DSCAML1: variants seen among roughly 807,000 people sequenced by gnomAD.
The protein encoded by DSCAML1 is cell adhesion molecule DSCAML1.
Under a neutral mutation model 200.5 loss-of-function variants are expected in DSCAML1, and 38 were observed. The observed-to-expected ratio is 0.19, with a 90% confidence interval of 0.15 to 0.25. DSCAML1 has a LOEUF of 0.25. DSCAML1 is among the 10% of genes least tolerant of loss of function. The probability of loss-of-function intolerance (pLI) is 1.00; values close to 1 mark genes in which losing one functional copy is unlikely to be tolerated. For missense variants in DSCAML1, 2,223 were observed against 2,858.8 expected, an observed-to-expected ratio of 0.78 and a Z score of 5.07; for synonymous variants, 1,215 against 1,165.0, an observed-to-expected ratio of 1.04 and a Z score of -0.87.
rs534512931 is a variant in DSCAML1 at position 117,702,900 on chromosome 11, T to C, written c.511+73891A>G. On this transcript the variant is annotated intron_variant, in intron 3 of 32. Transcript: ENST00000651296. Reference sequence around the variant, plus strand: ...AAGAAGCTGATAGTTAAAGGATTCTTGTGGCTGAATCCTATTGTAAAATAG... The same window carrying C: ...AAGAAGCTGATAGTTAAAGGATTCTCGTGGCTGAATCCTATTGTAAAATAG... 3.4e-4 allele frequency among the ~76,000 whole-genome samples: 52 copies of C among 152,340 alleles called. 1 individual carries two copies. Among genetic ancestry groups the C allele is most frequent in the African/African-American group, 1.2e-3 (50 of 41,582 alleles).
rs1237061556 is a variant in DSCAML1, at chr11:117,780,294, A to AAGAC, written c.364+198_364+199insGTCT. Among the ~76,000 whole-genome samples, 125 of 106,722 alleles carry AAGAC rather than the reference A, an allele frequency of 1.2e-3. 1 individual carries two copies. Among genetic ancestry groups the AAGAC allele is most frequent in the African/African-American group, 3.6e-3 (116 of 32,230 alleles). 70.0% of individuals were successfully genotyped at this position (106,722 alleles called of 152,430 possible). On this transcript the variant is annotated intron_variant, in intron 2 of 32. Transcript: ENST00000651296. The surrounding 1 kb of genome is among the most constrained non-coding windows in gnomAD (Gnocchi z 4.8). ...AAAGAAAGAAAGAAAGAAAGAAAGA[A>AAGAC]AGAAAGAAAGAGAGAAAGGAGAAAG...
chr11:117,483,931 C>A (rs2048982609), intron 11 of DSCAML1, among the ~76,000 whole-genome samples: 1 of 151,848 alleles, frequency 6.6e-6, no homozygotes, highest in Admixed American at 6.6e-5. Flanking sequence ...ACAGCAGAGA[C>A]CAGCTCACCC....
chr11:117,796,854 GCTGA>G (rs1364598448), intron 1 of DSCAML1, among the ~76,000 whole-genome samples, 176 bp downstream of exon 1: 2 of 152,074 alleles, frequency 1.3e-5, no homozygotes, highest in Middle Eastern at 3.2e-3. Context: ...GCGGTCGGGG[GCTGA>G]CTCTCACTCG....
chr11:117,745,637 C>A (rs897891812), intron 3 of DSCAML1, among the ~76,000 whole-genome samples: 3 of 152,196 alleles, frequency 2.0e-5, no homozygotes, highest in African/African-American at 7.2e-5. Flanking sequence ...CCTGGCATGT[C>A]CATCCTCCTC....
chr11:117,760,999 T>C (rs1199907731), intron 3 of DSCAML1, among the ~76,000 whole-genome samples: 3 of 152,074 alleles, frequency 2.0e-5, no homozygotes, highest in African/African-American at 7.2e-5. Flanking sequence ...CAAAGACTGT[T>C]AGAAAAATGA....
chr11:117,486,806 T>A (rs1275002048), intron 11 of DSCAML1, among the ~76,000 whole-genome samples: 1 of 146,026 alleles, frequency 6.8e-6, no homozygotes, highest in Non-Finnish European at 1.5e-5. Flanking sequence ...ATGGGGCTAA[T>A]GGGCACTTGA....
At chr11:117,586,808 A>G (rs1051470639) in intron 3 of DSCAML1, among the ~76,000 whole-genome samples, 8 of 152,208 alleles carry the variant, frequency 5.3e-5, no homozygotes, top group Admixed American at 3.9e-4. Flanking sequence ...CCCTGGAGGA[A>G]GAACCACTTC....
chr11:117,439,508 A>G lies in DSCAML1; in HGVS notation c.3981-79T>C, dbSNP rs187434492. The G allele has an allele frequency of 8.3e-3, 12,750 of 1,536,810 alleles. 87 individuals are homozygous for G. The highest frequency in any genetic ancestry group is 0.014 in the South Asian group (1,145 of 81,066). ...GAGGCCCTCCCCCCGGTGTGTGACA[A>G]AGAGAGCTGGGGGTGGAAGGAGGCT... On this transcript the variant is annotated intron_variant, in intron 22 of 32. Transcript: ENST00000651296.
intron 3 of DSCAML1, among the ~76,000 whole-genome samples, chr11:117,591,757 G>C (rs1193417670): frequency 2.0e-5 from 3 of 152,108 alleles, no homozygotes; most frequent in African/African-American, 7.2e-5. Context: ...CAGGGTCCCC[G>C]TGCACTGCCC....
At chr11:117,715,769 T>C (rs1050640511) in intron 3 of DSCAML1, among the ~76,000 whole-genome samples, 2 of 151,912 alleles carry the variant, frequency 1.3e-5, no homozygotes, top group African/African-American at 2.4e-5. Context: ...GGGGCAGGAG[T>C]CACAGTTCTG....
intron 3 of DSCAML1, among the ~76,000 whole-genome samples, chr11:117,573,480 T>G (rs925422964): frequency 6.6e-6 from 1 of 152,184 alleles, no homozygotes; most frequent in Non-Finnish European, 1.5e-5. Context: ...GCCCCAGGCC[T>G]AGCCGGTGGT....
At chr11:117,530,715 T>A (rs1318690241) in intron 4 of DSCAML1, among the ~76,000 whole-genome samples, 1 of 152,072 alleles carries the variant, frequency 6.6e-6, no homozygotes, top group Non-Finnish European at 1.5e-5. Flanking sequence ...AGAGAGTCTC[T>A]GTGGGTCAGG....
At chr11:117,745,537 C>T (rs73585219) in intron 3 of DSCAML1, among the ~76,000 whole-genome samples, 9,261 of 152,136 alleles carry the variant, frequency 0.061, 920 homozygotes, top group African/African-American at 0.21. Context: ...CTAGTCTCAC[C>T]GACCTACAGC....
At chr11:117,466,695 T>C (rs111942354) in intron 16 of DSCAML1, among the ~76,000 whole-genome samples, 3 of 152,028 alleles carry the variant, frequency 2.0e-5, no homozygotes, top group Non-Finnish European at 2.9e-5. Context: ...GAGGGTGGAA[T>C]AGAGCTTTCA....
At chr11:117,699,620 C>T (rs1313353841) in intron 3 of DSCAML1, among the ~76,000 whole-genome samples, 1 of 152,198 alleles carries the variant, frequency 6.6e-6, no homozygotes, top group East Asian at 1.9e-4. Flanking sequence ...AGACCCGGAG[C>T]TCTCAGGTTG....
intron 3 of DSCAML1, among the ~76,000 whole-genome samples, chr11:117,591,512 C>G (rs575745541): frequency 8.5e-5 from 13 of 152,312 alleles, no homozygotes; most frequent in South Asian, 4.1e-4. Flanking sequence ...CAGGAATCTG[C>G]GAGTGCTATG....
Position 117,613,936 on chromosome 11 carries a change from G to A in DSCAML1, c.512-81414C>T, listed in dbSNP as rs567795655. Among the ~76,000 whole-genome samples the A allele has an allele frequency of 3.3e-5, 5 of 152,242 alleles. No individual in the cohort carries two copies. The South Asian group carries it at 8.3e-4, about 25-fold the overall frequency. On this transcript the variant is annotated intron_variant, in intron 3 of 32. Transcript: ENST00000651296. ...GGAAGGAGGGCCACTGAAGCCTAGC[G>A]GCTGTATCCTGATCTGGCTGCTGGG...
At position 117,504,181 on chromosome 11, in the gene DSCAML1, G is replaced by A. The variant is rs1380949989; in HGVS notation, c.2183-160C>T. 6.6e-6 allele frequency among the ~76,000 whole-genome samples: 1 copy of A among 152,190 alleles called. No homozygotes were observed. Among genetic ancestry groups the A allele is most frequent in the African/African-American group, 2.4e-5 (1 of 41,442 alleles). On this transcript the variant is annotated intron_variant, in intron 10 of 32. Coordinates refer to ENST00000651296, the MANE Select transcript of DSCAML1 (RefSeq NM_020693.4). The surrounding 1 kb of genome is among the most constrained non-coding windows in gnomAD (Gnocchi z 5.0). ...GCTGAGGCCACATGGCTCCTGGTGG[G>A]CAACAGGAAAGACCCCCCCACCAGA...
At chr11:117,537,895 C>T (rs2137357784) in intron 3 of DSCAML1, among the ~76,000 whole-genome samples, 1 of 152,344 alleles carries the variant, frequency 6.6e-6, no homozygotes, top group South Asian at 2.1e-4. Context: ...TTTTGGACTT[C>T]CAGTCTCCAG....
Sources: allele counts gnomAD v4.1 joint callset (sites outside exome capture counted in the v4.1 genomes callset), GRCh38; gene constraint gnomAD v4.1.1; non-coding constraint Gnocchi (gnomAD v3.1); transcripts MANE v1.5; gene names NCBI Gene and HGNC (gene_info 2026-07-23, HGNC 2026-07-21).